The following SLC10A7 variants were observed in gnomAD, a reference collection of about 807,000 sequenced individuals.
SLC10A7 encodes the protein sodium/bile acid cotransporter 7.
Under a neutral mutation model 43.2 loss-of-function variants are expected in SLC10A7, and 29 were observed. That is an observed-to-expected ratio of 0.67 (90% CI 0.50 to 0.92). The LOEUF (loss-of-function observed/expected upper bound fraction) is 0.92, where lower values mean the gene tolerates loss of function less well. SLC10A7 is among the 40% of genes least tolerant of loss of function. The pLI is 0.00. For synonymous variants in SLC10A7, 152 were observed against 144.8 expected, an observed-to-expected ratio of 1.05 and a Z score of -0.35; for missense variants, 295 against 403.2, an observed-to-expected ratio of 0.73 and a Z score of 2.30.
chr4:146,377,694 C>T (rs1579033063), intron 5 of SLC10A7, among the ~76,000 whole-genome samples: 1 of 152,166 alleles, frequency 6.6e-6, no homozygotes, highest in African/African-American at 2.4e-5. Flanking sequence ...GTCCCAGGAA[C>T]AAAGAGGGTG....
At chr4:146,504,118 ATC>A (rs1168883563) in intron 3 of SLC10A7, among the ~76,000 whole-genome samples, 194 bp from the exon 4 acceptor site, 1 of 152,176 alleles carries the variant, frequency 6.6e-6, no homozygotes, top group East Asian at 1.9e-4. Context: ...ATGGGTTCTA[ATC>A]TCTTATGCTA....
intron 5 of SLC10A7, among the ~76,000 whole-genome samples, chr4:146,431,662 A>G (rs1729787834): frequency 6.6e-6 from 1 of 152,182 alleles, no homozygotes; most frequent in Non-Finnish European, 1.5e-5. Flanking sequence ...ATGGGTCACA[A>G]GACTAAATGT....
chr4:146,301,830 T>G (rs1478180949), intron 7 of SLC10A7, among the ~76,000 whole-genome samples: 1 of 152,076 alleles, frequency 6.6e-6, no homozygotes, highest in Admixed American at 6.5e-5. Flanking sequence ...GAGGGGCAGG[T>G]AGATGCAAGC....
intron 4 of SLC10A7, among the ~76,000 whole-genome samples, chr4:146,448,508 A>G (rs1434360089): frequency 6.6e-6 from 1 of 152,122 alleles, no homozygotes; most frequent in Admixed American, 6.5e-5. Context: ...ATTATATCAA[A>G]AATTTTCATA....
At chr4:146,440,703 A>G (rs995992410) in intron 5 of SLC10A7, among the ~76,000 whole-genome samples, 1 of 152,236 alleles carries the variant, frequency 6.6e-6, no homozygotes, top group South Asian at 2.1e-4. Context: ...TATTTCTCTT[A>G]TAACACTGGA....
intron 4 of SLC10A7, among the ~76,000 whole-genome samples, chr4:146,486,532 A>G (rs1008908368): frequency 6.6e-6 from 1 of 152,222 alleles, no homozygotes. Flanking sequence ...CTAAACAAAT[A>G]AATTTTTTAA....
At chr4:146,263,196 C>T (rs1285616166) in intron 10 of SLC10A7, among the ~76,000 whole-genome samples, 1 of 152,222 alleles carries the variant, frequency 6.6e-6, no homozygotes, top group African/African-American at 2.4e-5. Flanking sequence ...GGGAAGCCAT[C>T]CTCAGAGTCC....
chr4:146,477,487 T>C (rs1304195833), intron 4 of SLC10A7, among the ~76,000 whole-genome samples: 2 of 152,242 alleles, frequency 1.3e-5, no homozygotes, highest in Non-Finnish European at 2.9e-5. Flanking sequence ...GCTGAAAGTT[T>C]TTAGGGGCTC....
chr4:146,521,416 C>T (rs536931760), intron 1 of SLC10A7, among the ~76,000 whole-genome samples: 8 of 152,216 alleles, frequency 5.3e-5, no homozygotes, highest in African/African-American at 1.9e-4. Flanking sequence ...GGCTACCTGC[C>T]CTCAAATTCC....
At chr4:146,460,287 A>G (rs1434429741) in intron 4 of SLC10A7, among the ~76,000 whole-genome samples, 1 of 152,006 alleles carries the variant, frequency 6.6e-6, no homozygotes, top group Non-Finnish European at 1.5e-5. Context: ...AGTTTCTGTT[A>G]AAGTTACACA....
chr4:146,276,151 A>G (rs1421892684), intron 10 of SLC10A7, among the ~76,000 whole-genome samples: 3 of 152,224 alleles, frequency 2.0e-5, no homozygotes, highest in Non-Finnish European at 4.4e-5. Flanking sequence ...TATTACATTT[A>G]TCATGCAAAG....
At chr4:146,272,349 T>A (rs1318734726) in intron 10 of SLC10A7, among the ~76,000 whole-genome samples, 2 of 152,022 alleles carry the variant, frequency 1.3e-5, no homozygotes, top group Non-Finnish European at 2.9e-5. Flanking sequence ...CAATTTTATA[T>A]CTCCTCCTGC....
chr4:146,511,523 T>C (rs562264538), intron 2 of SLC10A7, among the ~76,000 whole-genome samples: 2 of 152,358 alleles, frequency 1.3e-5, no homozygotes, highest in South Asian at 2.1e-4. Flanking sequence ...AGTACGTTAA[T>C]GCAGACTCAT....
intron 1 of SLC10A7, among the ~76,000 whole-genome samples, chr4:146,518,904 T>C (rs1027096687): frequency 6.6e-6 from 1 of 151,084 alleles, no homozygotes; most frequent in Non-Finnish European, 1.5e-5. Context: ...AAATTTCTGT[T>C]GTACTGAGCC....
intron 4 of SLC10A7, among the ~76,000 whole-genome samples, chr4:146,453,287 C>A (rs1303722975): frequency 6.6e-6 from 1 of 151,956 alleles, no homozygotes; most frequent in African/African-American, 2.4e-5. Context: ...CAGGTGTCCT[C>A]TCCTCTTAAG....
chr4:146,290,067 G>C (rs1366831073), intron 9 of SLC10A7, among the ~76,000 whole-genome samples: 1 of 149,016 alleles, frequency 6.7e-6, no homozygotes, highest in Non-Finnish European at 1.5e-5. Flanking sequence ...GCTCACGCCT[G>C]TAATCCCAGC....
chr4:146,515,329 C>T (rs555064789), intron 2 of SLC10A7, among the ~76,000 whole-genome samples: 2 of 152,328 alleles, frequency 1.3e-5, no homozygotes, highest in Admixed American at 1.3e-4. Flanking sequence ...CAAGCAAGAT[C>T]AGTCCAACAT....
chr4:146,266,767 G>C (rs1260884839), intron 10 of SLC10A7, among the ~76,000 whole-genome samples: 1 of 152,140 alleles, frequency 6.6e-6, no homozygotes, highest in Non-Finnish European at 1.5e-5. Flanking sequence ...GCAGAAGCTG[G>C]AGAGCCCTGG....
At chr4:146,303,659 C>T (rs1290409050) in intron 7 of SLC10A7, among the ~76,000 whole-genome samples, 6 of 152,098 alleles carry the variant, frequency 3.9e-5, no homozygotes, top group African/African-American at 1.2e-4. Flanking sequence ...GGATTATAGG[C>T]GTGAGCCACC....
Sources: allele counts gnomAD v4.1 joint callset (sites outside exome capture counted in the v4.1 genomes callset), GRCh38; gene constraint gnomAD v4.1.1; transcripts MANE v1.5; gene names NCBI Gene and HGNC (gene_info 2026-07-23, HGNC 2026-07-21).